Variants in MSL1 observed in about 807,000 individuals in gnomAD.
MSL1 encodes MSL complex subunit 1, also known as male-specific lethal 1 homolog.
Under a neutral mutation model 64.6 loss-of-function variants are expected in MSL1, and 21 were observed. The ratio of observed to expected loss-of-function variants is 0.33; its 90% CI spans 0.23 to 0.47. MSL1 has a LOEUF of 0.47. Among genes scored for constraint, MSL1 ranks in the 20% least tolerant of loss-of-function variants. MSL1 has a pLI of 1.00. For missense variants in MSL1, 664 were observed against 793.2 expected (o/e 0.84, Z 1.96); for synonymous variants, 339 against 329.6 (o/e 1.03, Z -0.31).
intron 2 of MSL1, chr17:40,126,879 G>GT (rs1445020980): frequency 6.3e-6 from 1 of 157,820 alleles, no homozygotes; most frequent in Non-Finnish European, 1.4e-5. Flanking sequence ...GTAAAAGTCT[G>GT]TTTAGGAGTA....
intron 5 of MSL1, 93 bp downstream of exon 5, chr17:40,132,191 T>G: frequency 1.2e-6 from 1 of 860,926 alleles, no homozygotes; most frequent in Non-Finnish European, 1.8e-6. Flanking sequence ...ATGGATGAAT[T>G]AAATAATTTT....
intron 8 of MSL1, among the ~76,000 whole-genome samples, 165 bp downstream of exon 8, chr17:40,134,064 G>A (rs1228596363): frequency 2.0e-5 from 3 of 152,172 alleles, no homozygotes; most frequent in Non-Finnish European, 1.5e-5. Flanking sequence ...AGATTCCCAA[G>A]CCAATAATTA....
intron 2 of MSL1, 158 bp downstream of exon 2, chr17:40,126,564 T>C: frequency 1.5e-6 from 1 of 667,948 alleles, no homozygotes; most frequent in South Asian, 1.9e-5. Flanking sequence ...ATCCCAGCAC[T>C]TTGGGAGGCC....
intron 8 of MSL1, 31 bp from the exon 9 acceptor site, chr17:40,134,248 G>C: frequency 1.3e-6 from 2 of 1,540,260 alleles, no homozygotes; most frequent in Admixed American, 2.0e-5. Flanking sequence ...TTCTAGTCTT[G>C]CAAGTTGATT....
Position 40,123,037 on chromosome 17 carries a change from T to A in MSL1, c.425T>A (p.Leu142His). The A allele has an allele frequency of 1.3e-6, 2 of 1,532,130 alleles. No individual in the cohort carries two copies. The highest frequency in any genetic ancestry group is 1.7e-6 in the Non-Finnish European group (2 of 1,145,506). The allele number at this position is 1,532,130 out of a possible 1,614,324, so 94.9% of individuals were successfully genotyped here. A position where few individuals can be genotyped will look rare whatever the true frequency, so the allele number is the denominator to read the frequency against. ...GTGCTGCCCATTCAGACGGGCTCTC[T>A]CGTGGCGGCGGCCAAAGAGCCTACG... ...QAVLPIQTGS[L>H]VAAAKEPTPW... Residue 142 changes from leucine (L) to histidine (H), a missense_variant, in exon 1 of 9, where the codon CTC (leucine) becomes CAC (histidine). By Grantham distance (99) the Leu-to-His change is moderately conservative (BLOSUM62 -3). This residue lies in a region of MSL1 where 466 missense variants were observed against 499.0 expected (regional missense o/e 0.93). Transcript: ENST00000398532.
chr17:40,132,593 C>T (rs150002339), intron 5 of MSL1, among the ~76,000 whole-genome samples: 400 of 152,196 alleles, frequency 2.6e-3, no homozygotes, highest in Non-Finnish European at 4.8e-3. Context: ...GAGCCAAGAT[C>T]GCACCACTGC....
chr17:40,127,437 C>A (rs980003058), intron 2 of MSL1, among the ~76,000 whole-genome samples: 2 of 151,746 alleles, frequency 1.3e-5, no homozygotes, highest in African/African-American at 4.8e-5. Flanking sequence ...ACTCAGAATT[C>A]AAATGCAGTA....
Position 40,134,416 on chromosome 17 carries a change from C to T in MSL1, c.*47C>T, listed in dbSNP as rs1988501899. ...CTTCAGATAGTTGTAGCATGCCATT[C>T]CCGAGAGTGGCAGAGACCTGTATAT... On this transcript the variant is annotated 3_prime_UTR_variant, in exon 9 of 9. Transcript: ENST00000398532. The T allele has an allele frequency of 6.7e-7, 1 of 1,491,282 alleles. No homozygotes were observed. The highest frequency in any genetic ancestry group is 9.2e-7 in the Non-Finnish European group (1 of 1,091,862). 92.4% of individuals were successfully genotyped at this position (1,491,282 alleles called of 1,614,324 possible). A position where few individuals can be genotyped will look rare whatever the true frequency, so the allele number is the denominator to read the frequency against.
In MSL1 at chr17:40,132,856, G is replaced by A. The variant is rs904368054; in HGVS notation, c.1489-186G>A. 5.9e-4 allele frequency among the ~76,000 whole-genome samples: 90 copies of A among 152,282 alleles called. 1 individual carries two copies. The highest frequency in any genetic ancestry group is 4.8e-3 in the Admixed American group (74 of 15,296). On this transcript the variant is annotated intron_variant, in intron 5 of 8. Transcript: ENST00000398532. ...GGAGATTCTAAAAGGATGTGGATGGGGAAAGGAGTATGTGTTTTGTTGATT... is the reference window on the plus strand; with the variant it reads ...GGAGATTCTAAAAGGATGTGGATGGAGAAAGGAGTATGTGTTTTGTTGATT...
At chr17:40,126,969 A>G (rs1988331802) in intron 2 of MSL1, 1 of 153,280 alleles carries the variant, frequency 6.5e-6, no homozygotes, top group Non-Finnish European at 1.5e-5. Context: ...TGAGTTTCTT[A>G]AAACTATAGC....
rs943813168 is a variant in MSL1 at position 40,122,943 on chromosome 17, C to G, written c.331C>G (p.Gln111Glu). ...GCCCTGTCCGCCCCCGGCCACCAAG[C>G]AAGCCGGCATTGGGGGGGAGCCTGC... Reference protein sequence around the residue: ...PLPCPPPATKQAGIGGEPAAA... With the variant: ...PLPCPPPATKEAGIGGEPAAA... The change falls in exon 1 of 9, where the codon CAA becomes GAA. Residue 111 changes from glutamine (Q) to glutamate (E), a missense_variant. This residue lies in a region of MSL1 where 466 missense variants were observed against 499.0 expected (regional missense o/e 0.93). Coordinates refer to ENST00000398532, the MANE Select transcript of MSL1 (RefSeq NM_001365919.1). This position sits in a 1 kb window ranked among gnomAD's most constrained non-coding sequence, Gnocchi z 4.2. 2 of 1,522,448 alleles carry G rather than the reference C, an allele frequency of 1.3e-6. No individual in the cohort carries two copies. The highest frequency in any genetic ancestry group is 8.8e-7 in the Non-Finnish European group (1 of 1,141,950). 94.3% of individuals were successfully genotyped at this position (1,522,448 alleles called of 1,614,324 possible).
intron 2 of MSL1, among the ~76,000 whole-genome samples, chr17:40,128,054 G>A (rs753443042): frequency 1.3e-5 from 2 of 152,036 alleles, no homozygotes; most frequent in African/African-American, 2.4e-5. Flanking sequence ...CCCAGGAGGT[G>A]GAGGTTGCAG....
rs1464059298 is a variant in MSL1, at chr17:40,135,613, A to G, written c.*1244A>G. On this transcript the variant is annotated 3_prime_UTR_variant, in exon 9 of 9. Coordinates refer to ENST00000398532, the MANE Select transcript of MSL1 (RefSeq NM_001365919.1). Reference sequence around the variant, plus strand: ...ATGTCCCCAGATTATTAGCACTTTTAGAGGAGAAGCCAAGGTATGTAGGGT... The same window carrying G: ...ATGTCCCCAGATTATTAGCACTTTTGGAGGAGAAGCCAAGGTATGTAGGGT... 1 of 152,350 alleles carries G rather than the reference A, an allele frequency of 6.6e-6. No individual in the cohort carries two copies. The highest frequency in any genetic ancestry group is 1.9e-4 in the East Asian group (1 of 5,344). 9.4% of individuals were successfully genotyped at this position (152,350 alleles called of 1,614,324 possible). A position where few individuals can be genotyped will look rare whatever the true frequency, so the allele number is the denominator to read the frequency against.
chr17:40,126,080 A>G, intron 1 of MSL1, 103 bp from the exon 2 acceptor site: 2 of 992,752 alleles, frequency 2.0e-6, no homozygotes, highest in Non-Finnish European at 3.1e-6. Context: ...GATGTGGTCC[A>G]TAGAAAGAGG....
At chr17:40,126,000 A>C (rs571370835) in intron 1 of MSL1, among the ~76,000 whole-genome samples, 183 bp from the exon 2 acceptor site, 110 of 152,200 alleles carry the variant, frequency 7.2e-4, no homozygotes, top group African/African-American at 2.6e-3. Context: ...TTAACAGTAT[A>C]CCTTCTCTTC....
At chr17:40,123,512 T>TTAGGCGCTGGGTC (rs1311293561) in intron 1 of MSL1, 132 bp downstream of exon 1, 1 of 807,784 alleles carries the variant, frequency 1.2e-6, no homozygotes, top group Non-Finnish European at 1.9e-6. Context: ...AAGGAGTATC[T>TTAGGCGCTGGGTC]TAGGCGCTGG....
intron 8 of MSL1, 82 bp from the exon 9 acceptor site, chr17:40,134,197 G>A: frequency 8.3e-7 from 1 of 1,207,682 alleles, no homozygotes; most frequent in African/African-American, 1.5e-5. Context: ...AAGGGACATA[G>A]TGACTTTTTT....
intron 8 of MSL1, 55 bp from the exon 9 acceptor site, chr17:40,134,224 C>A: frequency 1.4e-6 from 2 of 1,459,368 alleles, no homozygotes; most frequent in South Asian, 1.2e-5. Flanking sequence ...GCTATCATGT[C>A]CACACTGAAT....
chr17:40,125,358 C>T (rs1988289901), intron 1 of MSL1, among the ~76,000 whole-genome samples: 1 of 151,988 alleles, frequency 6.6e-6, no homozygotes, highest in Non-Finnish European at 1.5e-5. Context: ...TTAAAAGTAC[C>T]CCCTCCCACA....
Sources: allele counts gnomAD v4.1 joint callset (sites outside exome capture counted in the v4.1 genomes callset), GRCh38; gene constraint gnomAD v4.1.1; regional missense constraint gnomAD v4.1.1; non-coding constraint Gnocchi (gnomAD v3.1); transcripts MANE v1.5; gene names NCBI Gene and HGNC (gene_info 2026-07-23, HGNC 2026-07-21).